The following TENM3 variants were observed in gnomAD, a reference collection of about 807,000 sequenced individuals.
The protein encoded by TENM3 is teneurin transmembrane protein 3.
A neutral mutation model predicts 255.1 loss-of-function variants in TENM3; 63 were observed. The ratio of observed to expected loss-of-function variants is 0.25; its 90% CI spans 0.20 to 0.30. The LOEUF (loss-of-function observed/expected upper bound fraction) is 0.30, where lower values mean the gene tolerates loss of function less well. Ranked by LOEUF, TENM3 falls within the 10% of genes least tolerant of loss-of-function variation. TENM3 has a pLI of 1.00. For missense variants in TENM3, 2,929 were observed against 3,461.1 expected (o/e 0.85, Z 3.86); for synonymous variants, 1,306 against 1,322.3 (o/e 0.99, Z 0.27).
chr4:181,620,329 G>T, the TENM3 span, among the ~76,000 whole-genome samples: 1 of 152,002 alleles, frequency 6.6e-6, no homozygotes, highest in Non-Finnish European at 1.5e-5. Flanking sequence ...GTACACGGGG[G>T]ATTGGTTCCA....
At chr4:181,914,590 T>A in the TENM3 span, among the ~76,000 whole-genome samples, 1 of 152,288 alleles carries the variant, frequency 6.6e-6, no homozygotes, top group East Asian at 1.9e-4. Flanking sequence ...TTTGAATGAA[T>A]GAATGCATAA....
the TENM3 span, among the ~76,000 whole-genome samples, chr4:182,006,050 T>G: frequency 6.6e-6 from 1 of 152,104 alleles, no homozygotes; most frequent in Non-Finnish European, 1.5e-5. Flanking sequence ...TATTTGAATA[T>G]CCTTTATTTC....
chr4:182,190,538 G>A (rs1017404678), intron 1 of TENM3, among the ~76,000 whole-genome samples: 12 of 152,126 alleles, frequency 7.9e-5, no homozygotes, highest in Non-Finnish European at 1.6e-4. Flanking sequence ...ACAGGACGAC[G>A]GAAGCCAGTA....
At chr4:181,642,908 C>A in the TENM3 span, among the ~76,000 whole-genome samples, 20 of 152,082 alleles carry the variant, frequency 1.3e-4, 1 homozygote, top group Admixed American at 1.3e-3. Context: ...GTTACTGTAG[C>A]CTTGTAGTAT....
intron 1 of TENM3, among the ~76,000 whole-genome samples, chr4:182,287,833 G>T (rs146493000): frequency 0.011 from 1,702 of 152,090 alleles, 31 homozygotes; most frequent in African/African-American, 0.039. Context: ...TGGCCAGGCT[G>T]GTCTCGAACT....
chr4:182,216,302 C>A (rs534745576), intron 1 of TENM3, among the ~76,000 whole-genome samples: 1 of 152,202 alleles, frequency 6.6e-6, no homozygotes, highest in African/African-American at 2.4e-5. Flanking sequence ...GTGAAAGATA[C>A]CTAGGTGTGA....
intron 3 of TENM3, among the ~76,000 whole-genome samples, chr4:182,560,094 T>TA (rs1743003374): frequency 1.3e-5 from 2 of 151,448 alleles, no homozygotes; most frequent in South Asian, 2.1e-4. Flanking sequence ...TTTTTTTTTT[T>TA]TAAAAAAAGA....
At chr4:181,845,883 G>GGAT in the TENM3 span, among the ~76,000 whole-genome samples, 18 of 152,222 alleles carry the variant, frequency 1.2e-4, no homozygotes, top group Non-Finnish European at 2.2e-4. Context: ...TCTCAGAGAA[G>GGAT]GATTATTCAG....
intron 1 of TENM3, among the ~76,000 whole-genome samples, chr4:182,294,260 A>G (rs2150338926): frequency 6.6e-6 from 1 of 152,294 alleles, no homozygotes; most frequent in Non-Finnish European, 1.5e-5. Flanking sequence ...AGGTCTAAGA[A>G]TTCTGAGTGA....
the TENM3 span, among the ~76,000 whole-genome samples, chr4:181,529,887 T>C: frequency 6.6e-6 from 1 of 152,306 alleles, no homozygotes; most frequent in South Asian, 2.1e-4. Context: ...CAGAGATCCC[T>C]TGCTCTAAAA....
At chr4:182,259,892 T>C (rs1758671213) in intron 1 of TENM3, among the ~76,000 whole-genome samples, 1 of 152,172 alleles carries the variant, frequency 6.6e-6, no homozygotes, top group South Asian at 2.1e-4. Flanking sequence ...TACCCACTTA[T>C]CATCCTCTCT....
chr4:182,111,821 G>C, the TENM3 span, among the ~76,000 whole-genome samples: 2 of 152,166 alleles, frequency 1.3e-5, no homozygotes, highest in Non-Finnish European at 2.9e-5. Flanking sequence ...GAGCCATAGA[G>C]GAAGGATTGG....
the TENM3 span, among the ~76,000 whole-genome samples, chr4:181,449,390 A>G: frequency 6.6e-6 from 1 of 152,192 alleles, no homozygotes; most frequent in African/African-American, 2.4e-5. Flanking sequence ...CTACTTGGGT[A>G]GTCTAATTAT....
the TENM3 span, among the ~76,000 whole-genome samples, chr4:182,059,997 C>G: frequency 1.3e-5 from 2 of 151,976 alleles, no homozygotes; most frequent in Admixed American, 6.6e-5. Context: ...AATCCCAGCA[C>G]TTTGGGAGGT....
intron 3 of TENM3, among the ~76,000 whole-genome samples, chr4:182,417,042 C>T (rs553609886): frequency 6.6e-6 from 1 of 152,192 alleles, no homozygotes; most frequent in East Asian, 1.9e-4. Context: ...GGTGCGATCT[C>T]GGCTCACTGC....
the TENM3 span, among the ~76,000 whole-genome samples, chr4:181,775,123 A>G: frequency 6.6e-6 from 1 of 152,138 alleles, no homozygotes; most frequent in African/African-American, 2.4e-5. Context: ...AACTGCAGAA[A>G]GAGGCCGGGG....
chr4:181,808,862 C>A, the TENM3 span, among the ~76,000 whole-genome samples: 4 of 152,158 alleles, frequency 2.6e-5, no homozygotes, highest in African/African-American at 9.7e-5. Context: ...TCAACAGCTA[C>A]AGGACAATAC....
At chr4:182,479,753 C>G (rs950643083) in intron 3 of TENM3, among the ~76,000 whole-genome samples, 1 of 151,888 alleles carries the variant, frequency 6.6e-6, no homozygotes, top group Non-Finnish European at 1.5e-5. Flanking sequence ...GAGAATTCTA[C>G]GTAACTTCAA....
At chr4:182,171,793 T>G (rs1183406626) in intron 1 of TENM3, among the ~76,000 whole-genome samples, 1 of 152,212 alleles carries the variant, frequency 6.6e-6, no homozygotes, top group African/African-American at 2.4e-5. Context: ...AGTGGCTAAG[T>G]TGATATCACA....
Sources: gnomAD v4.1 joint callset for allele counts (sites outside exome capture counted in the v4.1 genomes callset) on GRCh38, gnomAD v4.1.1 for gene constraint, MANE v1.5 for transcripts, NCBI Gene and HGNC (gene_info 2026-07-23, HGNC 2026-07-21) for gene names.